Variants in PRR14L observed in about 807,000 individuals in gnomAD.
PRR14L encodes proline rich 14 like, also known as protein PRR14L.
In PRR14L, 80 loss-of-function variants were observed where a neutral mutation model predicts 155.0. The observed-to-expected ratio is 0.52, with a 90% CI of 0.43 to 0.62. PRR14L has a LOEUF of 0.62. PRR14L is among the 20% of genes least tolerant of loss of function. The pLI, the probability that PRR14L is intolerant of heterozygous loss-of-function variation, is 0.00. For missense variants in PRR14L, 2,469 were observed against 2,548.0 expected, an observed-to-expected ratio of 0.97 and a Z score of 0.67; for synonymous variants, 883 against 916.0, an observed-to-expected ratio of 0.96 and a Z score of 0.65.
At chr22:31,704,604 TGCACACACACACGCACACGC>T (rs1295774292) in intron 5 of PRR14L, 31 bp downstream of exon 5, 12 of 1,485,854 alleles carry the variant, frequency 8.1e-6, no homozygotes, top group Non-Finnish European at 1.0e-5. Flanking sequence ...CTCTCTCTCT[TGCACACACACACGCACACGC>T]GCACACACAC....
At chr22:31,708,611 G>A (rs1338461147) in intron 4 of PRR14L, among the ~76,000 whole-genome samples, 4 of 151,542 alleles carry the variant, frequency 2.6e-5, no homozygotes, top group Non-Finnish European at 4.4e-5. Flanking sequence ...ACAGGCATGA[G>A]CCACCATGCC....
intron 1 of PRR14L, among the ~76,000 whole-genome samples, chr22:31,746,953 C>T (rs185462160): frequency 8.6e-5 from 13 of 151,426 alleles, no homozygotes; most frequent in Middle Eastern, 3.4e-3. Context: ...CCCGCCACCA[C>T]GCCTGGCTAA....
At chr22:31,705,973 C>T (rs886200181) in intron 4 of PRR14L, among the ~76,000 whole-genome samples, 2 of 151,670 alleles carry the variant, frequency 1.3e-5, no homozygotes, top group Non-Finnish European at 2.9e-5. Context: ...TGCACTCCAG[C>T]CTGGGCGACA....
chr22:31,699,513 G>T (rs8141719), intron 7 of PRR14L, among the ~76,000 whole-genome samples: 2 of 152,220 alleles, frequency 1.3e-5, no homozygotes, highest in Middle Eastern at 6.8e-3. Context: ...TTCAGATGAG[G>T]GATGCTGGTA....
rs768231918 is a variant in PRR14L, at chr22:31,712,318, A to G, written c.5521T>C (p.Phe1841Leu). Residue 1841 changes from phenylalanine (F) to leucine (L), a missense_variant, in exon 4 of 9, where the codon TTC becomes CTC. Around this residue, in one of 2 missense-constraint regions of PRR14L, gnomAD observed 2,363 missense variants for 2,371.6 expected, o/e 1.00. Coordinates refer to ENST00000327423, the MANE Select transcript of PRR14L (RefSeq NM_173566.3). ...TGCATGGTAGGCATGTGGCTGGAGA[A>G]GCTCCGTTTTTTTGTCCAGATTCGG... ...CYRIWTKKRS[F>L]SSHMPTMQRL... is the part of the protein sequence containing the mutation. The G allele has an allele frequency of 6.2e-7, 1 of 1,614,114 alleles. No homozygotes were observed. Among genetic ancestry groups the G allele is most frequent in the Admixed American group, 1.7e-5 (1 of 60,014 alleles).
intron 7 of PRR14L, among the ~76,000 whole-genome samples, chr22:31,695,853 G>A (rs1007269892): frequency 5.3e-5 from 8 of 152,026 alleles, no homozygotes; most frequent in Admixed American, 3.9e-4. Context: ...CCCTTAACCC[G>A]AGTGTACCCT....
chr22:31,731,515 C>G (rs1301643512), intron 2 of PRR14L, among the ~76,000 whole-genome samples: 1 of 143,790 alleles, frequency 7.0e-6, no homozygotes, highest in Non-Finnish European at 1.5e-5. Flanking sequence ...TTGCAGCGAG[C>G]CAAGATCGCA....
At chr22:31,732,137 T>C (rs1254735031) in intron 2 of PRR14L, among the ~76,000 whole-genome samples, 1 of 152,238 alleles carries the variant, frequency 6.6e-6, no homozygotes, top group Non-Finnish European at 1.5e-5. Context: ...GTATAGGTTT[T>C]ATACAAATAA....
chr22:31,737,701 CCTCTCTGGGTATAATT>C (rs1379910181), intron 2 of PRR14L, among the ~76,000 whole-genome samples: 1 of 151,716 alleles, frequency 6.6e-6, no homozygotes, highest in African/African-American at 2.4e-5. Context: ...AACTAACCAA[CCTCTCTGGGTATAATT>C]TCAAGCACAC....
chr22:31,713,641 G>A lies in PRR14L; in HGVS notation c.4198C>T (p.Gln1400Ter), dbSNP rs1307773913. The A allele has an allele frequency of 6.4e-7, 1 of 1,551,876 alleles. No homozygotes were observed. Among genetic ancestry groups the A allele is most frequent in the Non-Finnish European group, 8.7e-7 (1 of 1,147,036 alleles). Reference sequence around the variant, plus strand: ...TGACGTATATATTTCTCTTCTTTCTGCAACATGTAGTCCAAAACCTCAGGG... The same window carrying A: ...TGACGTATATATTTCTCTTCTTTCTACAACATGTAGTCCAAAACCTCAGGG... The part of the protein sequence containing the change: ...QSPEVLDYML[Q>*]KEEKYIRQQK... Residue 1400 changes from glutamine (Q) to a stop codon, truncating the protein, a stop_gained, in exon 4 of 9, where the codon CAG becomes TAG. Transcript: ENST00000327423. LOFTEE classifies it high-confidence loss of function.
At chr22:31,730,918 A>G (rs2074745534) in intron 2 of PRR14L, among the ~76,000 whole-genome samples, 2 of 152,176 alleles carry the variant, frequency 1.3e-5, no homozygotes, top group South Asian at 4.1e-4. Context: ...TTCTATGGGT[A>G]CTACAGGTTG....
At position 31,712,465 on chromosome 22, in the gene PRR14L, C is replaced by G. The variant is rs1479061193; in HGVS notation, c.5374G>C (p.Ala1792Pro). The change falls in exon 4 of 9, where the codon GCT becomes CCT. Residue 1792 changes from alanine to proline, a missense_variant. Coordinates refer to ENST00000327423, the MANE Select transcript of PRR14L (RefSeq NM_173566.3). ...TGVHSQTHTQ[A>P]PPQPPAPLQD... ...AGAGGAGCTGGAGGCTGGGGAGGAG[C>G]CTGAGTGTGGGTCTGACTATGGACG... The G allele has an allele frequency of 6.4e-6, 10 of 1,553,712 alleles. No individual in the cohort carries two copies. The East Asian group carries it at 1.2e-4, about 19-fold the overall frequency.
intron 1 of PRR14L, among the ~76,000 whole-genome samples, chr22:31,740,954 C>G (rs922854556): frequency 2.0e-5 from 3 of 151,122 alleles, no homozygotes; most frequent in African/African-American, 7.3e-5. Flanking sequence ...ACAGCCTAGT[C>G]AATATGGTGA....
chr22:31,716,020 G>T lies in PRR14L; in HGVS notation c.1819C>A (p.Pro607Thr). 1 of 1,550,646 alleles carries T rather than the reference G, an allele frequency of 6.4e-7. No homozygotes were observed. The highest frequency in any genetic ancestry group is 8.7e-7 in the Non-Finnish European group (1 of 1,146,854). Residue 607 changes from proline (P) to threonine (T), a missense_variant, in exon 4 of 9, where the codon CCT becomes ACT. By Grantham distance (38) the Pro-to-Thr change is conservative. Around this residue, in one of 2 missense-constraint regions of PRR14L, gnomAD observed 2,363 missense variants for 2,371.6 expected, o/e 1.00. Coordinates refer to ENST00000327423, the MANE Select transcript of PRR14L (RefSeq NM_173566.3). The stretch of plus-strand genomic sequence containing the variant: ...GTCTGTATAACTTTTTCTGACTCAG[G>T]TCTGTAATCAAATTCTGGGGATGGT... ...LLPSPEFDYR[P>T]ESEKVIQTSH...
At chr22:31,724,466 T>C (rs993909208) in intron 3 of PRR14L, among the ~76,000 whole-genome samples, 1 of 152,172 alleles carries the variant, frequency 6.6e-6, no homozygotes, top group Non-Finnish European at 1.5e-5. Flanking sequence ...AGTGGTGTGA[T>C]CACGGCTCAC....
In PRR14L at chr22:31,714,832, C is replaced by T. The variant is rs191512335; in HGVS notation, c.3007G>A (p.Glu1003Lys). The T allele has an allele frequency of 3.0e-5, 47 of 1,552,084 alleles. No homozygotes were observed. In the African/African-American group the frequency reaches 4.4e-4, roughly 14 times the overall value. The change falls in exon 4 of 9, where the codon GAG (glutamate) becomes AAG (lysine). Residue 1003 changes from glutamate to lysine, a missense_variant. Glu to Lys is a moderately conservative substitution (Grantham distance 56). Transcript: ENST00000327423. Reference protein sequence around the residue: ...LSSDQRETVTEPHGEVNHNQK... With the variant: ...LSSDQRETVTKPHGEVNHNQK... ...TTGTGGTTTACCTCCCCGTGAGGCT[C>T]GGTGACAGTCTCTCTCTGGTCACTA... is the stretch of plus-strand genomic sequence containing the variant.
rs559005586 is a variant in PRR14L at position 31,713,727 on chromosome 22, T to C, written c.4112A>G (p.Asn1371Ser). 671 of 1,552,404 alleles carry C rather than the reference T, an allele frequency of 4.3e-4. 6 individuals carry two copies. In the South Asian group the frequency reaches 5.5e-3, roughly 13 times the overall value. The change falls in exon 4 of 9, where the codon AAC becomes AGC. Residue 1371 changes from asparagine (N) to serine (S), a missense_variant. By Grantham distance (46) the Asn-to-Ser change is conservative. Coordinates refer to ENST00000327423, the MANE Select transcript of PRR14L (RefSeq NM_173566.3). ...GCATTTAAAATGGGTCTGAGAGATG[T>C]TGCTCACGGGATCGCCATCGCCAGT... The part of the protein sequence containing the change: ...RETGDGDPVS[N>S]ISQTHFKCRG...
In PRR14L at chr22:31,714,776, A is replaced by G; in HGVS notation, c.3063T>C (p.Ser1021=). Residue 1021 remains serine (S), a synonymous_variant, in exon 4 of 9, where the codon AGT becomes AGC. Coordinates refer to ENST00000327423, the MANE Select transcript of PRR14L (RefSeq NM_173566.3). ...NQKDLLVSSG[S]NNSLPCGSPK... is the part of the protein sequence containing the mutation. Reference sequence around the variant, plus strand: ...GACTACCACAAGGTAGTGAGTTATTACTGCCTGAGCTGACCAGCAGATCCT... The same window carrying G: ...GACTACCACAAGGTAGTGAGTTATTGCTGCCTGAGCTGACCAGCAGATCCT... The G allele has an allele frequency of 6.4e-7, 1 of 1,552,336 alleles. No individual in the cohort carries two copies.
intron 6 of PRR14L, 146 bp from the exon 7 acceptor site, chr22:31,701,908 A>G: frequency 1.6e-6 from 1 of 607,844 alleles, no homozygotes; most frequent in South Asian, 2.2e-5. Context: ...CCTGGACTCA[A>G]ATGATCCTCC....
Sources: allele counts gnomAD v4.1 joint callset (sites outside exome capture counted in the v4.1 genomes callset), GRCh38; gene constraint gnomAD v4.1.1; regional missense constraint gnomAD v4.1.1; transcripts MANE v1.5; gene names NCBI Gene and HGNC (gene_info 2026-07-23, HGNC 2026-07-21).